The following HTR2C variants were observed in gnomAD, a reference collection of about 807,000 sequenced individuals.
HTR2C encodes 5-hydroxytryptamine receptor 2C.
In HTR2C, 5 loss-of-function variants were observed where a neutral mutation model predicts 21.0. The observed-to-expected ratio is 0.24, with a 90% confidence interval of 0.12 to 0.50. The LOEUF (loss-of-function observed/expected upper bound fraction) is 0.50, where lower values mean the gene tolerates loss of function less well. HTR2C is among the 20% of genes least tolerant of loss of function. The probability of loss-of-function intolerance (pLI) is 0.98; values close to 1 mark genes in which losing one functional copy is unlikely to be tolerated. For synonymous variants in HTR2C, 150 were observed against 145.3 expected, an observed-to-expected ratio of 1.03 and a Z score of -0.23; for missense variants, 271 against 371.2, an observed-to-expected ratio of 0.73 and a Z score of 2.22.
chrX:114,866,194 G>A (rs1385588782), intron 5 of HTR2C, among the ~76,000 whole-genome samples: 1 of 111,121 alleles, frequency 9.0e-6, no homozygotes, highest in African/African-American at 3.3e-5. Flanking sequence ...GAAGAAGAAA[G>A]TTTTTAATTG....
intron 4 of HTR2C, among the ~76,000 whole-genome samples, chrX:114,801,284 C>T (rs1464076253): frequency 9.0e-6 from 1 of 110,899 alleles, no homozygotes; most frequent in Non-Finnish European, 1.9e-5. Context: ...TCAGTGTATC[C>T]AAGAAAATGT....
chrX:114,725,210 G>C (rs1345544811), intron 2 of HTR2C, among the ~76,000 whole-genome samples: 4 of 110,636 alleles, frequency 3.6e-5, no homozygotes, highest in Non-Finnish European at 5.7e-5. Flanking sequence ...AGGCTTTGTT[G>C]GTTTCTTTTT....
intron 5 of HTR2C, among the ~76,000 whole-genome samples, chrX:114,902,898 A>G (rs1440192733): frequency 8.9e-6 from 1 of 112,197 alleles, no homozygotes; most frequent in Non-Finnish European, 1.9e-5. Flanking sequence ...GGCGTGAGCC[A>G]CTGCACCCGG....
chrX:114,749,224 G>T (rs1330953529), intron 4 of HTR2C, among the ~76,000 whole-genome samples: 2 of 109,360 alleles, frequency 1.8e-5, no homozygotes, highest in African/African-American at 3.3e-5. Flanking sequence ...GGAGGCAGGA[G>T]GATCGCTTGA....
In HTR2C at chrX:114,865,881, T is replaced by C. The variant is rs782198160; in HGVS notation, c.550+17678T>C. ...CCCAGGCTGGAATGCAGTGGTACAG[T>C]CTCAGCTTACTGCAACCTCCACCTC... On this transcript the variant is annotated intron_variant, in intron 5 of 5. Coordinates refer to ENST00000276198, the MANE Select transcript of HTR2C (RefSeq NM_000868.4). Among the ~76,000 whole-genome samples, 4 of 111,288 alleles carry C rather than the reference T, an allele frequency of 3.6e-5. No homozygotes were observed. In the East Asian group the frequency reaches 8.5e-4, roughly 24 times the overall value.
chrX:114,676,092 A>T (rs1479005081), intron 2 of HTR2C, among the ~76,000 whole-genome samples: 4 of 109,750 alleles, frequency 3.6e-5, no homozygotes, highest in Non-Finnish European at 7.6e-5. Flanking sequence ...CTGGTTTCGA[A>T]CTCCTGACCT....
intron 4 of HTR2C, among the ~76,000 whole-genome samples, chrX:114,804,550 T>C (rs782788884): frequency 1.8e-5 from 2 of 111,941 alleles, no homozygotes; most frequent in South Asian, 3.7e-4. Context: ...TGGAGTAAGA[T>C]ACTGTTATCT....
chrX:114,891,116 C>T (rs141917826), intron 5 of HTR2C, among the ~76,000 whole-genome samples: 4,027 of 110,655 alleles, frequency 0.036, 186 homozygotes, highest in African/African-American at 0.13. Flanking sequence ...TTTAATTTTA[C>T]GAACATTATA....
At chrX:114,770,462 C>A (rs2069989008) in intron 4 of HTR2C, among the ~76,000 whole-genome samples, 1 of 111,093 alleles carries the variant, frequency 9.0e-6, no homozygotes, top group East Asian at 2.8e-4. Flanking sequence ...TTTATTGTTT[C>A]TTTCTTCTGC....
At chrX:114,848,471 A>C (rs2070890930) in intron 5 of HTR2C, among the ~76,000 whole-genome samples, 1 of 111,923 alleles carries the variant, frequency 8.9e-6, no homozygotes, top group African/African-American at 3.2e-5. Context: ...TCTGCAACAC[A>C]GATACAAAAT....
chrX:114,609,013 A>T (rs1928602077), intron 1 of HTR2C, among the ~76,000 whole-genome samples: 1 of 111,940 alleles, frequency 8.9e-6, no homozygotes, highest in Non-Finnish European at 1.9e-5. Context: ...TTAAAATTAC[A>T]CTTATTCAGA....
intron 5 of HTR2C, among the ~76,000 whole-genome samples, chrX:114,860,707 T>C (rs989120311): frequency 1.8e-5 from 2 of 110,556 alleles, no homozygotes; most frequent in African/African-American, 6.6e-5. Flanking sequence ...CTTTTTAAAA[T>C]GTATAATTTG....
rs188811385 is a variant in HTR2C at position 114,590,329 on chromosome X, C to A, written c.-147+5670C>A. ...ACTTCCATTTTAAATTGACAAAAAACCTGATCCGTGATTAAAAAAGAATTT... is the reference window on the plus strand; with the variant it reads ...ACTTCCATTTTAAATTGACAAAAAAACTGATCCGTGATTAAAAAAGAATTT... On this transcript the variant is annotated intron_variant, in intron 1 of 5. Coordinates refer to ENST00000276198, the MANE Select transcript of HTR2C (RefSeq NM_000868.4). Among the ~76,000 whole-genome samples the A allele has an allele frequency of 5.4e-3, 607 of 111,916 alleles. 5 individuals carry two copies. Among genetic ancestry groups the A allele is most frequent in the African/African-American group, 0.019 (573 of 30,842 alleles).
At chrX:114,671,470 A>G (rs1424035270) in intron 2 of HTR2C, among the ~76,000 whole-genome samples, 5 of 111,914 alleles carry the variant, frequency 4.5e-5, no homozygotes, top group Non-Finnish European at 9.4e-5. Context: ...TTTAATCAAT[A>G]GATTGAAAAA....
chrX:114,779,627 A>T (rs1166158265), intron 4 of HTR2C, among the ~76,000 whole-genome samples: 1 of 111,894 alleles, frequency 8.9e-6, no homozygotes, highest in Non-Finnish European at 1.9e-5. Context: ...TTCAGACTCA[A>T]CATTGCCAGT....
chrX:114,882,559 A>G (rs1159419177), intron 5 of HTR2C, among the ~76,000 whole-genome samples: 1 of 110,787 alleles, frequency 9.0e-6, no homozygotes, highest in Non-Finnish European at 1.9e-5. Flanking sequence ...AGGGAAGTAG[A>G]TATGTTTAAA....
intron 5 of HTR2C, among the ~76,000 whole-genome samples, chrX:114,902,190 G>A (rs2071341751): frequency 8.9e-6 from 1 of 111,987 alleles, no homozygotes; most frequent in Admixed American, 9.6e-5. Flanking sequence ...CAGTATTGCT[G>A]TTATTTATAT....
intron 1 of HTR2C, chrX:114,589,916 TC>T: frequency 3.6e-6 from 1 of 275,410 alleles, no homozygotes; most frequent in Non-Finnish European, 6.7e-6. Flanking sequence ...AAGAGAAAGG[TC>T]CAAGTGATCC....
In HTR2C at chrX:114,748,109, T is replaced by G. The variant is rs185995811; in HGVS notation, c.349+16502T>G. On this transcript the variant is annotated intron_variant, in intron 4 of 5. Coordinates refer to ENST00000276198, the MANE Select transcript of HTR2C (RefSeq NM_000868.4). The stretch of plus-strand genomic sequence containing the variant: ...AGCCCATATGCACAAATAAATTGTG[T>G]TTCTATATAGTAGTGGTGGAAATTG... Among the ~76,000 whole-genome samples the G allele has an allele frequency of 7.6e-3, 853 of 112,209 alleles. 6 individuals carry two copies. Among genetic ancestry groups the G allele is most frequent in the Non-Finnish European group, 0.011 (586 of 53,301 alleles).
Sources: allele counts gnomAD v4.1 joint callset (sites outside exome capture counted in the v4.1 genomes callset), GRCh38; gene constraint gnomAD v4.1.1; transcripts MANE v1.5; gene names NCBI Gene and HGNC (gene_info 2026-07-23, HGNC 2026-07-21).